UBE2Z: variants seen among roughly 807,000 people sequenced by gnomAD.
UBE2Z encodes ubiquitin conjugating enzyme E2 Z.
UBE2Z carries 10 observed loss-of-function variants against 32.6 expected under a neutral mutation model. The ratio of observed to expected loss-of-function variants is 0.31; its 90% CI spans 0.19 to 0.52. The LOEUF is 0.52. UBE2Z is among the 20% of genes least tolerant of loss of function. UBE2Z has a pLI of 0.97. For synonymous variants in UBE2Z, 183 were observed against 190.8 expected (o/e 0.96, Z 0.34); for missense variants, 343 against 480.9 (o/e 0.71, Z 2.68).
intron 1 of UBE2Z, 110 bp from the exon 2 acceptor site, chr17:48,910,698 C>A: frequency 1.2e-6 from 1 of 840,470 alleles, no homozygotes; most frequent in Non-Finnish European, 2.1e-6. Context: ...CCAAGCACCA[C>A]TTTCTCAAAC....
intron 3 of UBE2Z, chr17:48,915,848 C>CTA: frequency 2.2e-6 from 1 of 447,390 alleles, no homozygotes; most frequent in Non-Finnish European, 3.9e-6. Context: ...ACATAGCTTG[C>CTA]TATTACCTGT....
At chr17:48,917,221 C>T (rs534849515) in intron 4 of UBE2Z, among the ~76,000 whole-genome samples, 52 of 152,040 alleles carry the variant, frequency 3.4e-4, no homozygotes, top group Non-Finnish European at 6.5e-4. Flanking sequence ...AGGAGAATGG[C>T]GTGAACCCAG....
intron 5 of UBE2Z, 38 bp from the exon 6 acceptor site, chr17:48,922,809 C>A: frequency 6.4e-7 from 1 of 1,571,722 alleles, no homozygotes; most frequent in South Asian, 1.1e-5. Flanking sequence ...ACCTGTACCC[C>A]TGGGTTTCTC....
At chr17:48,914,634 C>A (rs190231737) in intron 3 of UBE2Z, among the ~76,000 whole-genome samples, 1 of 152,128 alleles carries the variant, frequency 6.6e-6, no homozygotes, top group Non-Finnish European at 1.5e-5. Flanking sequence ...TTTTGAGATA[C>A]CAGCCACAGG....
In UBE2Z at chr17:48,927,080, T is replaced by C; in HGVS notation, c.1011T>C (p.Ser337=). 1 of 1,613,974 alleles carries C rather than the reference T, an allele frequency of 6.2e-7. No homozygotes were observed. The highest frequency in any genetic ancestry group is 8.5e-7 in the Non-Finnish European group (1 of 1,179,876). The change falls in exon 7 of 7, where the codon TCT becomes TCC. Residue 337 remains serine, a synonymous_variant. Transcript: ENST00000360943. ...RLHNENAEMD[S]DSSSSGTETD... ...ATAATGAGAATGCAGAAATGGACTC[T>C]GATAGCAGTTCATCTGGGACAGAGA...
rs1383499892 is a variant in UBE2Z at position 48,908,455 on chromosome 17, G to A, written c.-49G>A. ...GCGGGAGCGGGCGGGAGCAGCGGCC[G>A]CTCTGGTCGGCGGACGTGCTGCCGA... is the stretch of plus-strand genomic sequence containing the variant. On this transcript the variant is annotated 5_prime_UTR_variant, in exon 1 of 7. Transcript: ENST00000360943. The A allele has an allele frequency of 4.9e-6, 6 of 1,222,194 alleles. No individual in the cohort carries two copies. The highest frequency in any genetic ancestry group is 6.1e-6 in the Non-Finnish European group (6 of 980,546). The allele number at this position is 1,222,194 out of a possible 1,614,324, so 75.7% of individuals were successfully genotyped here. A position where few individuals can be genotyped will look rare whatever the true frequency, so the allele number is the denominator to read the frequency against.
At chr17:48,920,772 C>T (rs1027250797) in intron 4 of UBE2Z, among the ~76,000 whole-genome samples, 1 of 152,212 alleles carries the variant, frequency 6.6e-6, no homozygotes, top group East Asian at 1.9e-4. Flanking sequence ...TCAAGTGATC[C>T]TCACACCTTG....
chr17:48,923,710 T>C (rs1001431044), intron 6 of UBE2Z, among the ~76,000 whole-genome samples: 1 of 151,764 alleles, frequency 6.6e-6, no homozygotes, highest in Non-Finnish European at 1.5e-5. Context: ...AGGGAACTCT[T>C]TACTTTCCTT....
chr17:48,912,643 AT>A, intron 2 of UBE2Z, 190 bp from the exon 3 acceptor site: 1 of 587,750 alleles, frequency 1.7e-6, no homozygotes, highest in Non-Finnish European at 3.0e-6. Context: ...CTGTAATGAG[AT>A]TTCTTAAAAT....
In UBE2Z at chr17:48,912,890, G is replaced by C; in HGVS notation, c.447G>C (p.Leu149=). The change falls in exon 3 of 7, where the codon CTG becomes CTC. Residue 149 remains leucine (L), a synonymous_variant. Coordinates refer to ENST00000360943, the MANE Select transcript of UBE2Z (RefSeq NM_023079.5). ...CTCCTTATGAAGGGGGTTTCTTCCT[G>C]TTCGTGTTTCGGTGTCCGCCCGACT... The part of the protein sequence containing the change: ...FDTPYEGGFF[L]FVFRCPPDYP... The C allele has an allele frequency of 1.2e-6, 2 of 1,613,884 alleles. No individual in the cohort carries two copies. Among genetic ancestry groups the C allele is most frequent in the Admixed American group, 1.7e-5 (1 of 59,998 alleles).
rs1229159858 is a variant in UBE2Z, at chr17:48,922,745, C to CT, written c.804-101dup. 5.3e-5 allele frequency: 43 copies of CT among 814,416 alleles called. No individual in the cohort carries two copies. The African/African-American group carries it at 7.0e-4, about 13-fold the overall frequency. The allele number at this position is 814,416 out of a possible 1,614,324, so 50.4% of individuals were successfully genotyped here. On this transcript the variant is annotated intron_variant, in intron 5 of 6. Transcript: ENST00000360943. Reference sequence around the variant, plus strand: ...TTGCACCACTGCACTCCAACATGGGCTACAGAGCAAGACTCCATCTGAAAA... The same window carrying CT: ...TTGCACCACTGCACTCCAACATGGGCTTACAGAGCAAGACTCCATCTGAAAA...
intron 6 of UBE2Z, 38 bp from the exon 7 acceptor site, chr17:48,926,926 A>G (rs771598721): frequency 6.3e-7 from 1 of 1,592,562 alleles, no homozygotes; most frequent in Non-Finnish European, 8.6e-7. Flanking sequence ...AGCCACCCAG[A>G]CTTGAATCTT....
At chr17:48,925,293 AAAAAAG>A (rs1344349806) in intron 6 of UBE2Z, among the ~76,000 whole-genome samples, 2 of 151,924 alleles carry the variant, frequency 1.3e-5, no homozygotes, top group Non-Finnish European at 2.9e-5. Context: ...AAAAAAAAAA[AAAAAAG>A]AAAGAAAAAG....
At chr17:48,921,310 G>T in intron 5 of UBE2Z, 38 bp downstream of exon 5, 1 of 1,534,874 alleles carries the variant, frequency 6.5e-7, no homozygotes, top group Non-Finnish European at 8.9e-7. Flanking sequence ...TTCCTTTCGG[G>T]CATTTGGGTA....
chr17:48,922,457 A>AT (rs529221249), intron 5 of UBE2Z, among the ~76,000 whole-genome samples: 109 of 152,298 alleles, frequency 7.2e-4, no homozygotes, highest in African/African-American at 2.5e-3. Flanking sequence ...AATGGTAGGT[A>AT]TTTAATTTGG....
intron 4 of UBE2Z, among the ~76,000 whole-genome samples, chr17:48,919,421 G>T (rs2040743846): frequency 6.6e-6 from 1 of 152,136 alleles, no homozygotes; most frequent in Non-Finnish European, 1.5e-5. Flanking sequence ...TGTTTATATT[G>T]GCTTTCTAGA....
chr17:48,917,077 C>T (rs552370534), intron 4 of UBE2Z, among the ~76,000 whole-genome samples: 1 of 151,842 alleles, frequency 6.6e-6, no homozygotes, highest in Non-Finnish European at 1.5e-5. Context: ...GAGGCCGAGG[C>T]GGGCAGATCA....
At chr17:48,923,104 G>A (rs935117968) in intron 6 of UBE2Z, 167 bp downstream of exon 6, 3 of 518,232 alleles carry the variant, frequency 5.8e-6, no homozygotes, top group African/African-American at 3.9e-5. Flanking sequence ...GGCGGATCAC[G>A]AGGTCGGGAA....
At chr17:48,914,237 ACTT>A (rs998775806) in intron 3 of UBE2Z, among the ~76,000 whole-genome samples, 7 of 152,222 alleles carry the variant, frequency 4.6e-5, no homozygotes, top group Admixed American at 3.3e-4. Flanking sequence ...AGTGGTCTGA[ACTT>A]CTCTGGGACA....
Sources: gnomAD v4.1 joint callset for allele counts (sites outside exome capture counted in the v4.1 genomes callset) on GRCh38, gnomAD v4.1.1 for gene constraint, MANE v1.5 for transcripts, NCBI Gene and HGNC (gene_info 2026-07-23, HGNC 2026-07-21) for gene names.